The following QDPR variants were observed in gnomAD, a reference collection of about 807,000 sequenced individuals.
The protein encoded by QDPR is quinoid dihydropteridine reductase.
QDPR carries 23 observed loss-of-function variants against 31.7 expected under a neutral mutation model. That is an observed-to-expected ratio of 0.73 (90% CI 0.52 to 1.03). QDPR has a LOEUF of 1.03. Ranked by LOEUF, QDPR falls within the 50% of genes least tolerant of loss-of-function variation. QDPR has a pLI of 0.00. For missense variants in QDPR, 324 were observed against 323.8 expected, an observed-to-expected ratio of 1.00 and a Z score of 0.00; for synonymous variants, 124 against 124.7, an observed-to-expected ratio of 0.99 and a Z score of 0.03.
At chr4:17,511,572 C>G (rs1333327660) in intron 1 of QDPR, among the ~76,000 whole-genome samples, 1 of 152,194 alleles carries the variant, frequency 6.6e-6, no homozygotes, top group Non-Finnish European at 1.5e-5. Context: ...GTAATCAATA[C>G]GCGGTCTCAT....
chr4:17,506,275 G>A (rs1718783696), intron 2 of QDPR, among the ~76,000 whole-genome samples: 4 of 152,020 alleles, frequency 2.6e-5, no homozygotes, highest in Admixed American at 2.6e-4. Flanking sequence ...GACTACAGTT[G>A]TGTGCCACCA....
rs1718196012 is a variant in QDPR at position 17,492,326 on chromosome 4, C to T, written c.451G>A (p.Gly151Ser). Residue 151 changes from glycine to serine, a missense_variant, in exon 5 of 7, where the codon GGC (glycine) becomes AGC (serine). Coordinates refer to ENST00000281243, the MANE Select transcript of QDPR (RefSeq NM_000320.3). The part of the protein sequence containing the change: ...LDGTPGMIGY[G>S]MAKGAVHQLC... ...TGGTGAACAGCACCCTTGGCCATGC[C>T]GTACCCGATCATACCTGGGAAATGG... 1.9e-6 allele frequency: 3 copies of T among 1,614,120 alleles called. No individual in the cohort carries two copies. Among genetic ancestry groups the T allele is most frequent in the South Asian group, 1.1e-5 (1 of 91,080 alleles).
chr4:17,487,110 T>G lies in QDPR; in HGVS notation c.*21A>C. On this transcript the variant is annotated 3_prime_UTR_variant, in exon 7 of 7. Transcript: ENST00000281243. ...GTTAGTGACTTTTCTGGCAGGCCCC[T>G]CATAGGCACTGAGATGAGGCCTAAA... is the stretch of plus-strand genomic sequence containing the variant. 6.3e-7 allele frequency: 1 copy of G among 1,596,502 alleles called. No individual in the cohort carries two copies. Among genetic ancestry groups the G allele is most frequent in the Non-Finnish European group, 8.6e-7 (1 of 1,164,376 alleles).
At chr4:17,508,538 A>G (rs535197751) in intron 2 of QDPR, among the ~76,000 whole-genome samples, 86 of 152,328 alleles carry the variant, frequency 5.6e-4, no homozygotes, top group Middle Eastern at 6.8e-3. Context: ...CAAATGTACA[A>G]TAAACAAACT....
At chr4:17,501,975 C>G (rs1718581630) in intron 3 of QDPR, 116 bp from the exon 4 acceptor site, 4 of 1,298,660 alleles carry the variant, frequency 3.1e-6, no homozygotes, top group Non-Finnish European at 3.3e-6. Flanking sequence ...AGGTCCCTAT[C>G]TACAGCAAGG....
In QDPR at chr4:17,509,302, A is replaced by T. The variant is rs1461714637; in HGVS notation, c.167T>A (p.Met56Lys). The part of the protein sequence containing the change: ...EEASASIIVK[M>K]TDSFTEQADQ... ...AGCCTGCTCAGTGAACGAGTCTGTCATTTTAACAATGATGCTAGCGCTGGC... is the reference window on the plus strand; with the variant it reads ...AGCCTGCTCAGTGAACGAGTCTGTCTTTTTAACAATGATGCTAGCGCTGGC... Residue 56 changes from methionine to lysine, a missense_variant, in exon 2 of 7, where the codon ATG (methionine) becomes AAG (lysine). Transcript: ENST00000281243. 1 of 1,614,122 alleles carries T rather than the reference A, an allele frequency of 6.2e-7. No homozygotes were observed. The highest frequency in any genetic ancestry group is 8.5e-7 in the Non-Finnish European group (1 of 1,179,966).
In QDPR at chr4:17,492,229, T is replaced by TA. The variant is rs1718190006; in HGVS notation, c.545+2dup. On this transcript the variant is annotated splice_region_variant and intron_variant, in intron 5 of 6. Coordinates refer to ENST00000281243, the MANE Select transcript of QDPR (RefSeq NM_000320.3). ...CAGCAGCCAGGGAACCCCAAGCACT[T>TA]ACGGGAGCACAGCGATGGCGGCTGC... 6.2e-7 allele frequency: 1 copy of TA among 1,613,208 alleles called. No individual in the cohort carries two copies. The highest frequency in any genetic ancestry group is 8.5e-7 in the Non-Finnish European group (1 of 1,179,490).
At position 17,497,488 on chromosome 4, in the gene QDPR, C is replaced by T. The variant is rs1171601479; in HGVS notation, c.436+4231G>A. ...CTCACACCACCCGCACCCTTGCTGC[C>T]GGAGGAGGCTCTGAATATAATTATA... On this transcript the variant is annotated intron_variant, in intron 4 of 6. Transcript: ENST00000281243. Among the ~76,000 whole-genome samples the T allele has an allele frequency of 4.1e-5, 6 of 145,972 alleles. 1 individual carries two copies. In the East Asian group the frequency reaches 5.8e-4, roughly 14 times the overall value.
chr4:17,502,916 A>C (rs1718621913), intron 3 of QDPR, among the ~76,000 whole-genome samples: 2 of 152,040 alleles, frequency 1.3e-5, no homozygotes, highest in African/African-American at 4.8e-5. Flanking sequence ...TTTATAATGG[A>C]AGTCTGGCAG....
chr4:17,507,502 A>G (rs1718830696), intron 2 of QDPR, among the ~76,000 whole-genome samples: 1 of 152,206 alleles, frequency 6.6e-6, no homozygotes. Context: ...CAGCCTGGGC[A>G]ACACAGTGAG....
intron 4 of QDPR, among the ~76,000 whole-genome samples, chr4:17,492,962 T>C (rs952263896): frequency 6.6e-6 from 1 of 152,180 alleles, no homozygotes; most frequent in Non-Finnish European, 1.5e-5. Flanking sequence ...ACTTGGAGTA[T>C]AGGACTTAAA....
chr4:17,509,995 C>T, intron 1 of QDPR: 1 of 456,002 alleles, frequency 2.2e-6, no homozygotes, highest in Non-Finnish European at 4.4e-6. Flanking sequence ...TAACAGAACA[C>T]AGCAATAAAT....
At chr4:17,498,597 G>GA (rs558854952) in intron 4 of QDPR, among the ~76,000 whole-genome samples, 112 of 151,848 alleles carry the variant, frequency 7.4e-4, no homozygotes, top group African/African-American at 2.4e-3. Context: ...TGCAAGATAT[G>GA]AAAAAAAAGA....
chr4:17,493,492 A>G (rs547584272), intron 4 of QDPR, among the ~76,000 whole-genome samples: 23 of 152,304 alleles, frequency 1.5e-4, no homozygotes, highest in South Asian at 4.1e-4. Flanking sequence ...CTTCTGACCA[A>G]CAAGCTTAAT....
chr4:17,504,198 G>C (rs1437174959), intron 3 of QDPR, among the ~76,000 whole-genome samples, 181 bp downstream of exon 3: 1 of 152,106 alleles, frequency 6.6e-6, no homozygotes, highest in African/African-American at 2.4e-5. Context: ...TCCTCCAGGG[G>C]AAGCTTCTTC....
Position 17,486,913 on chromosome 4 carries a change from C to T in QDPR, c.*218G>A, listed in dbSNP as rs547449704. The T allele has an allele frequency of 1.7e-6, 1 of 584,716 alleles. No individual in the cohort carries two copies. The highest frequency in any genetic ancestry group is 3.1e-6 in the Non-Finnish European group (1 of 323,650). 36.2% of individuals were successfully genotyped at this position (584,716 alleles called of 1,614,324 possible). ...TCCCTATGCAGTTAACACAGATCAA[C>T]GGATGCTATTTGCAGGCCACCAGTC... On this transcript the variant is annotated 3_prime_UTR_variant, in exon 7 of 7. Coordinates refer to ENST00000281243, the MANE Select transcript of QDPR (RefSeq NM_000320.3).
At position 17,490,730 on chromosome 4, in the gene QDPR, G is replaced by A. The variant is rs758910537; in HGVS notation, c.561C>T (p.Thr187=). The change falls in exon 6 of 7, where the codon ACC becomes ACT. Residue 187 remains threonine (T), a synonymous_variant. Coordinates refer to ENST00000281243, the MANE Select transcript of QDPR (RefSeq NM_000320.3). ...CAGGCATTGATTTCCTGTTCATCGG[G>A]GTATCCAGGGTAACCCTGCAATGGA... The part of the protein sequence containing the change: ...AIAVLPVTLD[T]PMNRKSMPEA... 18 of 1,613,660 alleles carry A rather than the reference G, an allele frequency of 1.1e-5. No homozygotes were observed. In the East Asian group the frequency reaches 3.8e-4, roughly 34 times the overall value.
At chr4:17,509,465 G>T in intron 1 of QDPR, 102 bp from the exon 2 acceptor site, 1 of 1,012,894 alleles carries the variant, frequency 9.9e-7, no homozygotes, top group Non-Finnish European at 1.5e-6. Flanking sequence ...AGTGGTTCAC[G>T]TCTGTAATGC....
At chr4:17,509,459 G>C in intron 1 of QDPR, 96 bp from the exon 2 acceptor site, 1 of 1,068,800 alleles carries the variant, frequency 9.4e-7, no homozygotes, top group African/African-American at 1.5e-5. Flanking sequence ...AGGTGTAGTG[G>C]TTCACGTCTG....
Sources: allele counts gnomAD v4.1 joint callset (sites outside exome capture counted in the v4.1 genomes callset), GRCh38; gene constraint gnomAD v4.1.1; transcripts MANE v1.5; gene names NCBI Gene and HGNC (gene_info 2026-07-23, HGNC 2026-07-21).